The following THSD7B variants were observed in gnomAD, a reference collection of about 807,000 sequenced individuals.
The protein encoded by THSD7B is thrombospondin type 1 domain containing 7B, also known as thrombospondin type-1 domain-containing protein 7B.
THSD7B carries 138 observed loss-of-function variants against 213.6 expected under a neutral mutation model. The ratio of observed to expected loss-of-function variants is 0.65; its 90% CI spans 0.56 to 0.74. THSD7B has a LOEUF of 0.74. Among genes scored for constraint, THSD7B ranks in the 30% least tolerant of loss-of-function variants. THSD7B has a pLI of 0.00. For synonymous variants in THSD7B, 742 were observed against 687.0 expected (o/e 1.08, Z -1.25); for missense variants, 1,931 against 1,991.5 (o/e 0.97, Z 0.58).
At chr2:137,052,603 ATTC>A (rs1371172930) in intron 2 of THSD7B, among the ~76,000 whole-genome samples, 2 of 152,072 alleles carry the variant, frequency 1.3e-5, no homozygotes, top group Non-Finnish European at 1.5e-5. Context: ...TAAAGGTAAT[ATTC>A]TTCTTTCTTC....
chr2:136,907,369 A>C (rs1305334123), intron 2 of THSD7B, among the ~76,000 whole-genome samples: 2 of 152,220 alleles, frequency 1.3e-5, no homozygotes, highest in Non-Finnish European at 2.9e-5. Context: ...AGTAGTCACC[A>C]ATATTTATTT....
In THSD7B at chr2:137,321,899, CAGCA is replaced by C. The variant is rs1390173836; in HGVS notation, c.2500+45874_2500+45877del. On this transcript the variant is annotated intron_variant, in intron 12 of 27. Coordinates refer to ENST00000409968, the MANE Select transcript of THSD7B (RefSeq NM_001316349.2). ...CTTCTGTGCCTTGTGAGCAGGAAAG[CAGCA>C]TCAGCTATATAGTGAGATGCATTGG... is the stretch of plus-strand genomic sequence containing the variant. Among the ~76,000 whole-genome samples, 221 of 152,336 alleles carry C rather than the reference CAGCA, an allele frequency of 1.5e-3. 1 individual carries two copies. The highest frequency in any genetic ancestry group is 2.2e-3 in the Non-Finnish European group (153 of 68,032).
At chr2:136,971,639 T>TACAC (rs6146927) in intron 2 of THSD7B, among the ~76,000 whole-genome samples, 28,854 of 135,140 alleles carry the variant, frequency 0.21, 3,396 homozygotes, top group East Asian at 0.38. Flanking sequence ...CAACAACAAA[T>TACAC]ACACACACAC....
chr2:137,055,451 A>AT (rs1050247762), intron 2 of THSD7B, among the ~76,000 whole-genome samples: 3 of 152,128 alleles, frequency 2.0e-5, no homozygotes, highest in Non-Finnish European at 4.4e-5. Flanking sequence ...AGAAGAAACT[A>AT]TTTTTTTCAT....
intron 2 of THSD7B, among the ~76,000 whole-genome samples, chr2:136,932,720 AG>A (rs1373915958): frequency 6.6e-6 from 1 of 152,070 alleles, no homozygotes; most frequent in African/African-American, 2.4e-5. Flanking sequence ...GAGGAAGAGG[AG>A]GGGCTGGCCT....
chr2:137,150,652 G>A (rs543193522), intron 5 of THSD7B, among the ~76,000 whole-genome samples: 6 of 152,198 alleles, frequency 3.9e-5, no homozygotes, highest in Middle Eastern at 3.4e-3. Context: ...ACCCAGTCTC[G>A]GGTATTTCTT....
intron 9 of THSD7B, among the ~76,000 whole-genome samples, chr2:137,235,117 C>T (rs562568721): frequency 1.3e-5 from 2 of 152,218 alleles, no homozygotes; most frequent in Admixed American, 1.3e-4. Context: ...TGGTAAAATT[C>T]TGAAAGTTTT....
At chr2:137,590,547 AT>A (rs1470684298) in intron 17 of THSD7B, among the ~76,000 whole-genome samples, 2 of 152,140 alleles carry the variant, frequency 1.3e-5, no homozygotes, top group African/African-American at 4.8e-5. Flanking sequence ...AAGTGGATGA[AT>A]TATTATGGTA....
chr2:137,403,202 T>C (rs1686415408), intron 12 of THSD7B, among the ~76,000 whole-genome samples: 1 of 152,228 alleles, frequency 6.6e-6, no homozygotes, highest in South Asian at 2.1e-4. Flanking sequence ...GAAAGTATTG[T>C]GTGTGCATCC....
rs552422641 is a variant in THSD7B, at chr2:137,676,975, T to G, written c.*370T>G. 1.4e-4 allele frequency: 25 copies of G among 175,082 alleles called. 1 individual carries two copies. In the South Asian group the frequency reaches 4.1e-3, roughly 29 times the overall value. The allele number at this position is 175,082 out of a possible 1,614,324, so 10.8% of individuals were successfully genotyped here. A position where few individuals can be genotyped will look rare whatever the true frequency, so the allele number is the denominator to read the frequency against. On this transcript the variant is annotated 3_prime_UTR_variant, in exon 28 of 28. Coordinates refer to ENST00000409968, the MANE Select transcript of THSD7B (RefSeq NM_001316349.2). ...AGGAAAATACAGTCAAGGCATTTAC[T>G]CTAAATGACGAGTCTGACACTGCAT...
intron 1 of THSD7B, among the ~76,000 whole-genome samples, chr2:136,803,862 T>C (rs1434100729): frequency 6.6e-6 from 1 of 152,174 alleles, no homozygotes; most frequent in East Asian, 1.9e-4. Flanking sequence ...CAAGAGAAGA[T>C]GGATGTCTCA....
intron 12 of THSD7B, among the ~76,000 whole-genome samples, chr2:137,318,694 G>A (rs1444169121): frequency 6.7e-6 from 1 of 148,834 alleles, no homozygotes; most frequent in Admixed American, 6.7e-5. Context: ...TTTAACTTTT[G>A]TCTCTATACT....
chr2:137,564,596 G>A (rs1467818472), intron 16 of THSD7B, among the ~76,000 whole-genome samples: 1 of 152,150 alleles, frequency 6.6e-6, no homozygotes, highest in East Asian at 1.9e-4. Context: ...AGCTTGTAAA[G>A]TAGTATGTAA....
chr2:137,546,435 T>TTA (rs1292087180), intron 15 of THSD7B, among the ~76,000 whole-genome samples: 6 of 32,740 alleles, frequency 1.8e-4, no homozygotes, highest in East Asian at 9.0e-4. Flanking sequence ...TATATATATA[T>TTA]TATATATATT....
At chr2:137,531,472 G>A (rs1680395986) in intron 15 of THSD7B, among the ~76,000 whole-genome samples, 1 of 151,838 alleles carries the variant, frequency 6.6e-6, no homozygotes, top group South Asian at 2.1e-4. Context: ...AAACCCAGCA[G>A]CACTCTCATT....
At chr2:137,025,447 A>T (rs527475382) in intron 2 of THSD7B, among the ~76,000 whole-genome samples, 2 of 152,106 alleles carry the variant, frequency 1.3e-5, no homozygotes, top group Non-Finnish European at 2.9e-5. Flanking sequence ...CACTGTTTGG[A>T]ATCTTATGTG....
intron 2 of THSD7B, among the ~76,000 whole-genome samples, chr2:137,049,566 T>C (rs1260958240): frequency 6.6e-6 from 1 of 152,142 alleles, no homozygotes; most frequent in East Asian, 1.9e-4. Context: ...TTACTATTAT[T>C]GTAATTGTTA....
At chr2:137,595,015 C>A (rs1444879646) in intron 17 of THSD7B, among the ~76,000 whole-genome samples, 2 of 151,924 alleles carry the variant, frequency 1.3e-5, no homozygotes, top group Admixed American at 6.6e-5. Context: ...TTGGTTGCAA[C>A]TGTACAGATA....
chr2:137,404,174 G>A (rs577198561), intron 12 of THSD7B, among the ~76,000 whole-genome samples: 2 of 151,902 alleles, frequency 1.3e-5, no homozygotes, highest in East Asian at 1.9e-4. Context: ...GGAACGACTA[G>A]AGAGTTCCTA....
Sources: gnomAD v4.1 joint callset for allele counts (sites outside exome capture counted in the v4.1 genomes callset) on GRCh38, gnomAD v4.1.1 for gene constraint, MANE v1.5 for transcripts, NCBI Gene and HGNC (gene_info 2026-07-23, HGNC 2026-07-21) for gene names.